CTNNA3: variants seen among roughly 807,000 people sequenced by gnomAD.
CTNNA3 encodes catenin alpha 3, also known as catenin alpha-3.
Under a neutral mutation model 95.7 loss-of-function variants are expected in CTNNA3, and 76 were observed. That is an observed-to-expected ratio of 0.79 (90% CI 0.66 to 0.96). The LOEUF (loss-of-function observed/expected upper bound fraction) is 0.96, where lower values mean the gene tolerates loss of function less well. CTNNA3 is among the 40% of genes least tolerant of loss of function. CTNNA3 has a pLI of 0.00. For synonymous variants in CTNNA3, 431 were observed against 374.4 expected (o/e 1.15, Z -1.74); for missense variants, 1,191 against 1,089.8 (o/e 1.09, Z -1.31).
chr10:67,572,528 G>T (rs956599603), intron 3 of CTNNA3, among the ~76,000 whole-genome samples: 3 of 152,140 alleles, frequency 2.0e-5, no homozygotes, highest in African/African-American at 7.2e-5. Context: ...TGCTATATTG[G>T]ATTTGATGAG....
At chr10:67,286,365 T>C (rs1327765596) in intron 5 of CTNNA3, among the ~76,000 whole-genome samples, 10 of 152,228 alleles carry the variant, frequency 6.6e-5, no homozygotes, top group African/African-American at 2.4e-4. Flanking sequence ...GAGCTCTTAG[T>C]TCAAATCCCA....
intron 5 of CTNNA3, among the ~76,000 whole-genome samples, chr10:67,479,597 T>C (rs1298317571): frequency 2.0e-5 from 3 of 152,038 alleles, no homozygotes; most frequent in Admixed American, 1.3e-4. Context: ...GCAAAAGCAA[T>C]GTTAATTTAT....
At chr10:66,408,294 A>AT (rs1017426069) in intron 11 of CTNNA3, among the ~76,000 whole-genome samples, 27 of 152,044 alleles carry the variant, frequency 1.8e-4, no homozygotes, top group African/African-American at 6.5e-4. Flanking sequence ...TTAAATCTCC[A>AT]TTTTTTATAC....
intron 7 of CTNNA3, among the ~76,000 whole-genome samples, chr10:66,779,992 T>C (rs374632117): frequency 1.1e-4 from 17 of 152,204 alleles, no homozygotes; most frequent in African/African-American, 3.4e-4. Context: ...GGAAGCATTC[T>C]TGAGTAGGTA....
At chr10:66,152,885 A>G (rs1338423021) in intron 13 of CTNNA3, among the ~76,000 whole-genome samples, 3 of 151,908 alleles carry the variant, frequency 2.0e-5, no homozygotes, top group Middle Eastern at 3.2e-3. Flanking sequence ...GTCATCGTTC[A>G]GTTTGAGTTT....
intron 7 of CTNNA3, among the ~76,000 whole-genome samples, chr10:67,178,050 A>G (rs1002222635): frequency 2.6e-5 from 4 of 152,112 alleles, no homozygotes; most frequent in African/African-American, 9.7e-5. Context: ...GTGTAGTCCA[A>G]TGCAGCAATG....
At chr10:66,957,262 A>T (rs1848838589) in intron 7 of CTNNA3, among the ~76,000 whole-genome samples, 1 of 151,806 alleles carries the variant, frequency 6.6e-6, no homozygotes, top group African/African-American at 2.4e-5. Context: ...TTTTATTATC[A>T]TTTTTTCCTA....
chr10:67,546,676 T>A (rs1840852169), intron 3 of CTNNA3, among the ~76,000 whole-genome samples: 2 of 152,190 alleles, frequency 1.3e-5, no homozygotes, highest in African/African-American at 4.8e-5. Flanking sequence ...TCTATTGAAT[T>A]TCTTTCCCAA....
At chr10:66,974,474 A>G (rs1272140068) in intron 7 of CTNNA3, among the ~76,000 whole-genome samples, 1 of 152,186 alleles carries the variant, frequency 6.6e-6, no homozygotes, top group Non-Finnish European at 1.5e-5. Context: ...ACATTTATAT[A>G]CAAGTCATTC....
At chr10:67,427,224 T>C (rs1014907267) in intron 5 of CTNNA3, among the ~76,000 whole-genome samples, 1 of 151,966 alleles carries the variant, frequency 6.6e-6, no homozygotes, top group African/African-American at 2.4e-5. Context: ...GCACACAGTA[T>C]GGCTAGTTTC....
At chr10:67,081,132 C>T (rs1017234551) in intron 7 of CTNNA3, among the ~76,000 whole-genome samples, 1 of 152,104 alleles carries the variant, frequency 6.6e-6, no homozygotes, top group Non-Finnish European at 1.5e-5. Flanking sequence ...TTCTGACAGA[C>T]AGAGCTTATA....
intron 15 of CTNNA3, among the ~76,000 whole-genome samples, chr10:66,031,435 C>A (rs1589270169): frequency 6.6e-6 from 1 of 152,108 alleles, no homozygotes; most frequent in Non-Finnish European, 1.5e-5. Context: ...GGCTATTATC[C>A]TAAGCTAATT....
intron 17 of CTNNA3, among the ~76,000 whole-genome samples, chr10:65,948,137 T>C (rs982854109): frequency 4.0e-5 from 6 of 151,750 alleles, no homozygotes; most frequent in East Asian, 3.9e-4. Context: ...AAAAATTAGC[T>C]GGGCGTGGTG....
At chr10:66,957,221 C>T (rs962202198) in intron 7 of CTNNA3, among the ~76,000 whole-genome samples, 2 of 151,738 alleles carry the variant, frequency 1.3e-5, no homozygotes, top group Non-Finnish European at 2.9e-5. Context: ...TCTGGCTTCA[C>T]CAAGTAAATC....
chr10:66,618,565 A>T (rs1055044217), intron 10 of CTNNA3, among the ~76,000 whole-genome samples: 43 of 152,052 alleles, frequency 2.8e-4, no homozygotes, highest in African/African-American at 1.0e-3. Flanking sequence ...TAATTCAAGA[A>T]GGATTAAAGA....
At chr10:66,099,244 T>C (rs541203227) in intron 14 of CTNNA3, among the ~76,000 whole-genome samples, 34 of 152,260 alleles carry the variant, frequency 2.2e-4, no homozygotes, top group Non-Finnish European at 2.4e-4. Flanking sequence ...GCATGAGTAT[T>C]TAAAGACTTC....
chr10:66,748,051 G>C (rs1838959550), intron 9 of CTNNA3, among the ~76,000 whole-genome samples: 1 of 152,112 alleles, frequency 6.6e-6, no homozygotes, highest in African/African-American at 2.4e-5. Flanking sequence ...TGTGCTTCCT[G>C]CTGTCAGTCC....
intron 9 of CTNNA3, among the ~76,000 whole-genome samples, chr10:66,730,636 T>C (rs1300877763): frequency 6.6e-6 from 1 of 152,214 alleles, no homozygotes; most frequent in Non-Finnish European, 1.5e-5. Flanking sequence ...GTCCTGTCTT[T>C]TCACATTCCC....
intron 11 of CTNNA3, among the ~76,000 whole-genome samples, chr10:66,420,013 C>A (rs2093178416): frequency 6.6e-6 from 1 of 151,876 alleles, no homozygotes. Context: ...AAAGCACAGA[C>A]AAATGGAACA....
Sources: gnomAD v4.1 joint callset for allele counts (sites outside exome capture counted in the v4.1 genomes callset) on GRCh38, gnomAD v4.1.1 for gene constraint, MANE v1.5 for transcripts, NCBI Gene and HGNC (gene_info 2026-07-23, HGNC 2026-07-21) for gene names.